The following ATP10B variants were observed in gnomAD, a reference collection of about 807,000 sequenced individuals.
ATP10B encodes the protein ATPase phospholipid transporting 10B (putative), also known as phospholipid-transporting ATPase VB.
Under a neutral mutation model 141.2 loss-of-function variants are expected in ATP10B, and 122 were observed. The observed-to-expected ratio is 0.86, with a 90% CI of 0.75 to 1.00. The LOEUF (loss-of-function observed/expected upper bound fraction) is 1.00, where lower values mean the gene tolerates loss of function less well. Among genes scored for constraint, ATP10B ranks in the 50% least tolerant of loss-of-function variants. The pLI, the probability that ATP10B is intolerant of heterozygous loss-of-function variation, is 0.00. For missense variants in ATP10B, 1,876 were observed against 1,825.3 expected (o/e 1.03, Z -0.51); for synonymous variants, 685 against 692.0 (o/e 0.99, Z 0.16).
intron 13 of ATP10B, among the ~76,000 whole-genome samples, chr5:160,628,700 T>C (rs893599324): frequency 3.3e-5 from 5 of 152,188 alleles, no homozygotes; most frequent in African/African-American, 1.2e-4. Context: ...TGTGGTCTGA[T>C]GGCACTGAAA....
intron 24 of ATP10B, among the ~76,000 whole-genome samples, chr5:160,582,059 G>GGT (rs1755588525): frequency 6.6e-6 from 1 of 152,134 alleles, no homozygotes; most frequent in African/African-American, 2.4e-5. Context: ...ATGTGACATG[G>GGT]GTGTCCAGAA....
chr5:160,632,619 GGTTT>G, intron 12 of ATP10B: 2 of 177,072 alleles, frequency 1.1e-5, no homozygotes, highest in Non-Finnish European at 1.9e-5. Context: ...TTTCCTCAGA[GGTTT>G]TTTTTTTTTT....
intron 7 of ATP10B, among the ~76,000 whole-genome samples, chr5:160,666,917 C>T (rs1285547554): frequency 6.6e-6 from 1 of 152,186 alleles, no homozygotes; most frequent in Non-Finnish European, 1.5e-5. Context: ...AGTACTGAGC[C>T]TTAAAAACTG....
In ATP10B at chr5:160,649,915, C is replaced by T. The variant is rs544957096; in HGVS notation, c.676-659G>A. On this transcript the variant is annotated intron_variant, in intron 7 of 25. Coordinates refer to ENST00000327245, the MANE Select transcript of ATP10B (RefSeq NM_025153.3). ...GGCAGATCACCTGAGGTCAGGAGATCGAGACCAGCCTGGTGAAACCCCGTC... is the reference window on the plus strand; with the variant it reads ...GGCAGATCACCTGAGGTCAGGAGATTGAGACCAGCCTGGTGAAACCCCGTC... Among the ~76,000 whole-genome samples, 497 of 151,590 alleles carry T rather than the reference C, an allele frequency of 3.3e-3. 3 individuals carry two copies. The highest frequency in any genetic ancestry group is 5.1e-3 in the Non-Finnish European group (347 of 67,888).
chr5:160,653,798 C>T (rs532974590), intron 7 of ATP10B, among the ~76,000 whole-genome samples: 1 of 110,920 alleles, frequency 9.0e-6, no homozygotes, highest in Non-Finnish European at 1.7e-5. Flanking sequence ...ATTATATAGA[C>T]GTATATACAT....
chr5:160,577,177 A>G (rs1229741670), intron 24 of ATP10B, among the ~76,000 whole-genome samples: 1 of 152,214 alleles, frequency 6.6e-6, no homozygotes, highest in Non-Finnish European at 1.5e-5. Flanking sequence ...CTTTTATAGC[A>G]AAACATCTTA....
intron 7 of ATP10B, 96 bp downstream of exon 7, chr5:160,670,367 T>C: frequency 8.2e-7 from 1 of 1,212,514 alleles, no homozygotes. Context: ...TCTACTACTT[T>C]CCCCTCTACC....
chr5:160,833,114 T>C (rs1241707320), intron 1 of ATP10B, among the ~76,000 whole-genome samples: 4 of 152,130 alleles, frequency 2.6e-5, no homozygotes, highest in African/African-American at 9.7e-5. Flanking sequence ...CAGGCTAGTA[T>C]GATGGAGAGA....
At chr5:160,618,435 T>C (rs944006465) in intron 15 of ATP10B, among the ~76,000 whole-genome samples, 1 of 152,188 alleles carries the variant, frequency 6.6e-6, no homozygotes, top group African/African-American at 2.4e-5. Flanking sequence ...ATCTTCTCTA[T>C]CTTCTACTTG....
At chr5:160,570,100 C>T (rs559928091) in intron 24 of ATP10B, among the ~76,000 whole-genome samples, 14 of 151,886 alleles carry the variant, frequency 9.2e-5, no homozygotes, top group Non-Finnish European at 1.8e-4. Flanking sequence ...TTCAAAGCAG[C>T]GCAGTATTCT....
the ATP10B span, among the ~76,000 whole-genome samples, chr5:160,887,265 A>G: frequency 9.2e-5 from 14 of 152,314 alleles, no homozygotes; most frequent in South Asian, 2.7e-3. Flanking sequence ...ATCCTGCTAT[A>G]TAATTAAAAT....
chr5:160,793,249 T>G, intron 1 of ATP10B, among the ~76,000 whole-genome samples: 1 of 152,104 alleles, frequency 6.6e-6, no homozygotes, highest in East Asian at 1.9e-4. Flanking sequence ...TTTAGACAAT[T>G]CTGCTGAGCA....
chr5:160,773,710 G>T (rs1770072249), intron 2 of ATP10B, among the ~76,000 whole-genome samples: 1 of 152,130 alleles, frequency 6.6e-6, no homozygotes, highest in South Asian at 2.1e-4. Flanking sequence ...TTCTTCAGCA[G>T]TGTAGTGGCA....
chr5:160,666,088 A>T (rs1161179041), intron 7 of ATP10B, among the ~76,000 whole-genome samples: 1 of 152,176 alleles, frequency 6.6e-6, no homozygotes, highest in Non-Finnish European at 1.5e-5. Flanking sequence ...CATGTAAAAG[A>T]ACTAGTATAT....
At position 160,644,211 on chromosome 5, in the gene ATP10B, G is replaced by A. The variant is rs553234421; in HGVS notation, c.795C>T (p.Gly265=). 1.9e-6 allele frequency: 3 copies of A among 1,613,954 alleles called. No individual in the cohort carries two copies. Among genetic ancestry groups the A allele is most frequent in the South Asian group, 2.2e-5 (2 of 91,058 alleles). The change falls in exon 9 of 26, where the codon GGC becomes GGT. Residue 265 remains glycine, a synonymous_variant. Coordinates refer to ENST00000327245, the MANE Select transcript of ATP10B (RefSeq NM_025153.3). Reference sequence around the variant, plus strand: ...AGCCTCGAAGCAGAAGACTCTCACAGCCAAAGCCAGTCCTGGTCTGGTCAG... The same window carrying A: ...AGCCTCGAAGCAGAAGACTCTCACAACCAAAGCCAGTCCTGGTCTGGTCAG... ...EHPDQTRTGF[G]CESLLLRGCT...
intron 6 of ATP10B, among the ~76,000 whole-genome samples, chr5:160,676,896 T>G (rs1763065071): frequency 6.6e-6 from 1 of 152,224 alleles, no homozygotes; most frequent in South Asian, 2.1e-4. Flanking sequence ...TTATCTAACT[T>G]GCATAAGGTC....
intron 2 of ATP10B, among the ~76,000 whole-genome samples, chr5:160,739,073 C>T (rs566197141): frequency 2.0e-5 from 3 of 152,150 alleles, no homozygotes; most frequent in Non-Finnish European, 2.9e-5. Context: ...ATATTAATAA[C>T]GCAAAGGAGA....
intron 1 of ATP10B, among the ~76,000 whole-genome samples, chr5:160,791,589 C>A (rs541013122): frequency 6.6e-6 from 1 of 152,244 alleles, no homozygotes; most frequent in Admixed American, 6.5e-5. Context: ...AGGGTTAGTG[C>A]TTATTCTTCT....
chr5:160,872,843 T>C, the ATP10B span, among the ~76,000 whole-genome samples: 2 of 152,238 alleles, frequency 1.3e-5, no homozygotes, highest in African/African-American at 4.8e-5. Context: ...TTTGTCTTGC[T>C]TTGACTATGC....
Sources: allele counts gnomAD v4.1 joint callset (sites outside exome capture counted in the v4.1 genomes callset), GRCh38; gene constraint gnomAD v4.1.1; transcripts MANE v1.5; gene names NCBI Gene and HGNC (gene_info 2026-07-23, HGNC 2026-07-21).